Variants in ITGB5 observed in about 807,000 individuals in gnomAD.
ITGB5 encodes the protein integrin beta-5.
Under a neutral mutation model 84.8 loss-of-function variants are expected in ITGB5, and 38 were observed. That is an observed-to-expected ratio of 0.45 (90% CI 0.35 to 0.59). ITGB5 has a LOEUF of 0.59. Ranked by LOEUF, ITGB5 falls within the 20% of genes least tolerant of loss-of-function variation. The pLI is 0.01. For synonymous variants in ITGB5, 393 were observed against 414.4 expected (o/e 0.95, Z 0.63); for missense variants, 905 against 1,034.5 (o/e 0.87, Z 1.72).
chr3:124,779,732 G>C (rs565112774), intron 10 of ITGB5, among the ~76,000 whole-genome samples: 1 of 152,302 alleles, frequency 6.6e-6, no homozygotes, highest in South Asian at 2.1e-4. Context: ...TAGGGTTGTT[G>C]TGTGAGTTAG....
chr3:124,892,492 C>T (rs1935019877), upstream of ITGB5, among the ~76,000 whole-genome samples: 2 of 145,530 alleles, frequency 1.4e-5, no homozygotes, highest in South Asian at 2.2e-4. Flanking sequence ...GAGTTCGAGA[C>T]CAGCCTGGGC....
At chr3:124,807,236 T>C (rs1318333042) in intron 9 of ITGB5, among the ~76,000 whole-genome samples, 1 of 152,106 alleles carries the variant, frequency 6.6e-6, no homozygotes, top group African/African-American at 2.4e-5. Context: ...AGCAACATGG[T>C]GAAACTCCGT....
In ITGB5 at chr3:124,766,305, G is replaced by A. The variant is rs143124119; in HGVS notation, c.2058C>T (p.Thr686=). 69 of 1,614,024 alleles carry A rather than the reference G, an allele frequency of 4.3e-5. No individual in the cohort carries two copies. Among genetic ancestry groups the A allele is most frequent in the East Asian group, 2.5e-4 (11 of 44,890 alleles). The change falls in exon 13 of 15, where the codon ACC becomes ACT. Residue 686 remains threonine, a synonymous_variant. Transcript: ENST00000296181. The part of the protein sequence containing the change: ...DQEAVLCFYK[T]AKDCVMMFTY... Reference sequence around the variant, plus strand: ...TGAACATCATGACGCAGTCCTTGGCGGTTTTGTAGAAACATAGCACAGCCT... The same window carrying A: ...TGAACATCATGACGCAGTCCTTGGCAGTTTTGTAGAAACATAGCACAGCCT...
chr3:124,852,991 A>C (rs1322504537), intron 3 of ITGB5, among the ~76,000 whole-genome samples: 1 of 152,038 alleles, frequency 6.6e-6, no homozygotes, highest in African/African-American at 2.4e-5. Flanking sequence ...CAGCCTCAAA[A>C]ACTTTTTTTA....
At chr3:124,817,436 AGGATG>A (rs2064620315) in intron 8 of ITGB5, among the ~76,000 whole-genome samples, 180 bp downstream of exon 8, 1 of 152,160 alleles carries the variant, frequency 6.6e-6, no homozygotes, top group Admixed American at 6.5e-5. Context: ...TCATCAAGCA[AGGATG>A]GGTTTCTCCA....
At chr3:124,782,913 G>T (rs1199045484) in intron 10 of ITGB5, among the ~76,000 whole-genome samples, 21 of 152,056 alleles carry the variant, frequency 1.4e-4, no homozygotes, top group Admixed American at 1.4e-3. Context: ...AGGGGAGCTT[G>T]CAGTGAGTGT....
At chr3:124,827,594 T>C (rs899081525) in intron 5 of ITGB5, among the ~76,000 whole-genome samples, 6 of 152,200 alleles carry the variant, frequency 3.9e-5, no homozygotes, top group African/African-American at 1.4e-4. Context: ...GATAAAGATA[T>C]GTAGAGACCG....
At chr3:124,864,983 C>T (rs2065365411) in intron 2 of ITGB5, among the ~76,000 whole-genome samples, 1 of 152,168 alleles carries the variant, frequency 6.6e-6, no homozygotes, top group African/African-American at 2.4e-5. Context: ...GTTCATCTGG[C>T]CCTGGCTTCT....
At chr3:124,801,659 G>T (rs935015593) in intron 9 of ITGB5, among the ~76,000 whole-genome samples, 1 of 152,158 alleles carries the variant, frequency 6.6e-6, no homozygotes, top group Non-Finnish European at 1.5e-5. Flanking sequence ...GGAGTCCCCA[G>T]ACCCTCCAGC....
chr3:124,806,796 G>GTTT lies in ITGB5; in HGVS notation c.1263+2223_1263+2225dup, dbSNP rs10654284. Reference sequence around the variant, plus strand: ...TGTCCTGTCACTGTAAAGCATTAGTGTTTTTTTTTTTAATCATCTGGATTG... The same window carrying GTTT: ...TGTCCTGTCACTGTAAAGCATTAGTGTTTTTTTTTTTTTTAATCATCTGGATTG... On this transcript the variant is annotated intron_variant, in intron 9 of 14. Transcript: ENST00000296181. Among the ~76,000 whole-genome samples the GTTT allele has an allele frequency of 2.1e-3, 313 of 147,538 alleles. 1 individual carries two copies. The highest frequency in any genetic ancestry group is 7.2e-3 in the African/African-American group (293 of 40,414).
chr3:124,892,797 T>C (rs1935030559), intron 1 of ITGB5, among the ~76,000 whole-genome samples: 1 of 152,068 alleles, frequency 6.6e-6, no homozygotes, highest in African/African-American at 2.4e-5. Context: ...ATTCGTTAAG[T>C]TTCCTGTTTC....
chr3:124,834,561 G>C (rs1384257511), intron 5 of ITGB5, among the ~76,000 whole-genome samples: 11 of 49,996 alleles, frequency 2.2e-4, no homozygotes, highest in Non-Finnish European at 3.9e-5. Context: ...AGCGGGGGGA[G>C]GGAGGGAGGA....
chr3:124,833,210 A>C (rs1308677269), intron 5 of ITGB5, among the ~76,000 whole-genome samples: 1 of 152,200 alleles, frequency 6.6e-6, no homozygotes, highest in Non-Finnish European at 1.5e-5. Flanking sequence ...CTTGAGCTCA[A>C]ATCCCAGCAA....
intron 3 of ITGB5, 58 bp downstream of exon 3, chr3:124,859,184 C>T: frequency 6.6e-7 from 1 of 1,517,600 alleles, no homozygotes; most frequent in Non-Finnish European, 9.1e-7. Flanking sequence ...ACAAGTCCCA[C>T]CTCCCCCATG....
chr3:124,834,929 G>A (rs939305303), intron 5 of ITGB5, among the ~76,000 whole-genome samples: 1 of 152,106 alleles, frequency 6.6e-6, no homozygotes, highest in Non-Finnish European at 1.5e-5. Context: ...TTGCTCAGTG[G>A]ACATTCCAAG....
intron 8 of ITGB5, among the ~76,000 whole-genome samples, chr3:124,817,316 G>A (rs889205873): frequency 2.6e-5 from 4 of 152,178 alleles, no homozygotes; most frequent in African/African-American, 7.2e-5. Context: ...CTGCCTATGC[G>A]AGGTGTCAGA....
At chr3:124,775,825 C>T (rs773302745) in intron 10 of ITGB5, among the ~76,000 whole-genome samples, 1 of 152,198 alleles carries the variant, frequency 6.6e-6, no homozygotes, top group Non-Finnish European at 1.5e-5. Flanking sequence ...GCCTCTTCAC[C>T]CGCCACTTAA....
At position 124,763,266 on chromosome 3, in the gene ITGB5, T is replaced by G. The variant is rs2675; in HGVS notation, c.*357A>C. Reference sequence around the variant, plus strand: ...CAGACTCCGACCCTTCCTGACAGTCTTCTTGTCTGGCCAGGCTGGGGGCCC... The same window carrying G: ...CAGACTCCGACCCTTCCTGACAGTCGTCTTGTCTGGCCAGGCTGGGGGCCC... On this transcript the variant is annotated 3_prime_UTR_variant, in exon 15 of 15. Coordinates refer to ENST00000296181, the MANE Select transcript of ITGB5 (RefSeq NM_002213.5). 34,442 of 201,470 alleles carry G rather than the reference T, an allele frequency of 0.17. 3,288 individuals carry two copies. Among genetic ancestry groups the G allele is most frequent in the Admixed American group, 0.26 (4,755 of 18,552 alleles). The allele number at this position is 201,470 out of a possible 1,614,324, so 12.5% of individuals were successfully genotyped here.
Position 124,819,962 on chromosome 3 carries a change from A to C in ITGB5, c.943-128T>G, listed in dbSNP as rs894041246. The C allele has an allele frequency of 9.1e-5, 68 of 745,466 alleles. 1 individual carries two copies. Among genetic ancestry groups the C allele is most frequent in the Admixed American group, 1.7e-4 (9 of 52,404 alleles). The allele number at this position is 745,466 out of a possible 1,614,324, so 46.2% of individuals were successfully genotyped here. On this transcript the variant is annotated intron_variant, in intron 6 of 14. Transcript: ENST00000296181. Reference sequence around the variant, plus strand: ...ACCTTTTCCTTAGGTGGCCCCTTAGAGTCCCTTAATAACTAAGCCTTCTTG... The same window carrying C: ...ACCTTTTCCTTAGGTGGCCCCTTAGCGTCCCTTAATAACTAAGCCTTCTTG...
Sources: gnomAD v4.1 joint callset for allele counts (sites outside exome capture counted in the v4.1 genomes callset) on GRCh38, gnomAD v4.1.1 for gene constraint, MANE v1.5 for transcripts, NCBI Gene and HGNC (gene_info 2026-07-23, HGNC 2026-07-21) for gene names.